The following NPAS3 variants were observed in gnomAD, a reference collection of about 807,000 sequenced individuals.
The protein encoded by NPAS3 is neuronal PAS domain-containing protein 3.
A neutral mutation model predicts 73.1 loss-of-function variants in NPAS3; 14 were observed. That is an observed-to-expected ratio of 0.19 (90% CI 0.13 to 0.30). NPAS3 has a LOEUF of 0.30. Ranked by LOEUF, NPAS3 falls within the 10% of genes least tolerant of loss-of-function variation. The probability of loss-of-function intolerance (pLI) is 1.00; values close to 1 mark genes in which losing one functional copy is unlikely to be tolerated. For synonymous variants in NPAS3, 620 were observed against 541.5 expected (o/e 1.14, Z -2.01); for missense variants, 1,096 against 1,250.0 (o/e 0.88, Z 1.86).
intron 1 of NPAS3, among the ~76,000 whole-genome samples, chr14:32,999,160 T>G (rs2038701992): frequency 6.6e-6 from 1 of 152,214 alleles, no homozygotes; most frequent in African/African-American, 2.4e-5. Flanking sequence ...TGAACTTCTT[T>G]TCTATATCTT....
At chr14:33,703,843 C>G (rs1295638220) in intron 6 of NPAS3, among the ~76,000 whole-genome samples, 2 of 152,128 alleles carry the variant, frequency 1.3e-5, no homozygotes. Flanking sequence ...TAACTCATCT[C>G]AAGATCACAC....
At chr14:33,039,338 T>G (rs1322420051) in intron 1 of NPAS3, among the ~76,000 whole-genome samples, 1 of 152,204 alleles carries the variant, frequency 6.6e-6, no homozygotes, top group African/African-American at 2.4e-5. Context: ...TTCCATTATA[T>G]TCACTCTGCT....
intron 5 of NPAS3, among the ~76,000 whole-genome samples, chr14:33,602,870 G>A (rs2057443181): frequency 6.6e-6 from 1 of 151,976 alleles, no homozygotes; most frequent in Non-Finnish European, 1.5e-5. Flanking sequence ...CTGTAGGGTG[G>A]GACCCAAAAG....
At chr14:33,249,320 T>A (rs1418560765) in intron 3 of NPAS3, among the ~76,000 whole-genome samples, 1 of 146,152 alleles carries the variant, frequency 6.8e-6, no homozygotes, top group African/African-American at 2.5e-5. Flanking sequence ...CTCATCCACT[T>A]TACTCCATTT....
intron 5 of NPAS3, among the ~76,000 whole-genome samples, chr14:33,645,092 A>AAAAG (rs1322111742): frequency 2.0e-5 from 3 of 152,000 alleles, no homozygotes; most frequent in East Asian, 3.9e-4. Flanking sequence ...AAAAAAAAAA[A>AAAAG]AAAAGAAAGA....
intron 4 of NPAS3, among the ~76,000 whole-genome samples, chr14:33,544,842 T>TA (rs1566989923): frequency 5.7e-5 from 7 of 123,674 alleles, no homozygotes; most frequent in African/African-American, 2.5e-4. Flanking sequence ...TATATATATA[T>TA]TATATATATG....
chr14:33,066,549 T>C (rs1303803716), intron 2 of NPAS3, among the ~76,000 whole-genome samples: 1 of 152,226 alleles, frequency 6.6e-6, no homozygotes, highest in Non-Finnish European at 1.5e-5. Context: ...AGTATGTTTT[T>C]ACAAGAGTCT....
chr14:33,511,029 G>A (rs1436927201), intron 4 of NPAS3, among the ~76,000 whole-genome samples: 1 of 152,038 alleles, frequency 6.6e-6, no homozygotes, highest in African/African-American at 2.4e-5. Flanking sequence ...TTTTAAGCTG[G>A]TGTTGAGTGG....
At chr14:33,035,186 G>A (rs1182619363) in intron 1 of NPAS3, among the ~76,000 whole-genome samples, 1 of 152,140 alleles carries the variant, frequency 6.6e-6, no homozygotes, top group Non-Finnish European at 1.5e-5. Flanking sequence ...TCTCTTTAAT[G>A]CATACATAAT....
intron 2 of NPAS3, among the ~76,000 whole-genome samples, chr14:33,141,769 C>G (rs2044054222): frequency 6.6e-6 from 1 of 151,972 alleles, no homozygotes; most frequent in African/African-American, 2.4e-5. Context: ...GTTTACATTC[C>G]TTGAGATTGT....
At position 33,373,138 on chromosome 14, in the gene NPAS3, A is replaced by G. The variant is rs1189940061; in HGVS notation, c.468+5870A>G. On this transcript the variant is annotated intron_variant, in intron 4 of 11. Coordinates refer to ENST00000356141, the Ensembl canonical transcript of NPAS3. ...CTGGAATGACTTTCCCTTAGGTGCC[A>G]GATTTCTGAATGGAATGTTTTAATG... is the stretch of plus-strand genomic sequence containing the variant. 2.6e-5 allele frequency among the ~76,000 whole-genome samples: 4 copies of G among 152,228 alleles called. No individual in the cohort carries two copies. In the East Asian group the frequency reaches 7.7e-4, roughly 29 times the overall value.
rs143980877 is a variant in NPAS3 at position 33,565,809 on chromosome 14, A to G, written c.558+5599A>G. Among the ~76,000 whole-genome samples the G allele has an allele frequency of 2.3e-3, 344 of 152,294 alleles. 3 individuals carry two copies. The highest frequency in any genetic ancestry group is 7.5e-3 in the African/African-American group (312 of 41,554). On this transcript the variant is annotated intron_variant, in intron 5 of 11. Coordinates refer to ENST00000356141, the Ensembl canonical transcript of NPAS3. Reference sequence around the variant, plus strand: ...TCTAAATGTATTCAATGCTAGGATAACTGGAGTTCTTTTAATAAATGAATG... The same window carrying G: ...TCTAAATGTATTCAATGCTAGGATAGCTGGAGTTCTTTTAATAAATGAATG...
At chr14:33,539,283 G>A (rs116316699) in intron 4 of NPAS3, among the ~76,000 whole-genome samples, 1,545 of 152,096 alleles carry the variant, frequency 0.01, 27 homozygotes, top group African/African-American at 0.035. Context: ...AGGGGTTCAG[G>A]GCAGGATTTT....
At chr14:33,458,276 A>G (rs1281866550) in intron 4 of NPAS3, among the ~76,000 whole-genome samples, 1 of 152,260 alleles carries the variant, frequency 6.6e-6, no homozygotes, top group Non-Finnish European at 1.5e-5. Context: ...TTTAGAAAGA[A>G]ATTCCAAAAA....
At chr14:33,581,273 G>C (rs1161143272) in intron 5 of NPAS3, among the ~76,000 whole-genome samples, 4 of 152,146 alleles carry the variant, frequency 2.6e-5, no homozygotes, top group African/African-American at 9.7e-5. Flanking sequence ...GGGGACTTGT[G>C]CTTGTTTTAG....
At chr14:33,526,276 C>T (rs1389666902) in intron 4 of NPAS3, among the ~76,000 whole-genome samples, 2 of 144,594 alleles carry the variant, frequency 1.4e-5, no homozygotes, top group Non-Finnish European at 3.1e-5. Flanking sequence ...AATAAACTCA[C>T]AGTATACTGA....
chr14:33,257,580 C>T (rs1204639902), intron 3 of NPAS3, among the ~76,000 whole-genome samples: 5 of 152,086 alleles, frequency 3.3e-5, no homozygotes, highest in Admixed American at 2.0e-4. Context: ...GCTTTTTGTT[C>T]AAATGAAGAA....
intron 5 of NPAS3, among the ~76,000 whole-genome samples, chr14:33,661,149 T>C (rs935397084): frequency 2.0e-5 from 3 of 151,444 alleles, no homozygotes; most frequent in Non-Finnish European, 4.4e-5. Context: ...GTGATGAAAT[T>C]TGACAGTAGG....
intron 3 of NPAS3, among the ~76,000 whole-genome samples, chr14:33,283,144 T>C (rs1393135703): frequency 6.6e-6 from 1 of 152,208 alleles, no homozygotes; most frequent in East Asian, 1.9e-4. Context: ...AATTGCTGAA[T>C]GTTATGACTG....
Sources: allele counts gnomAD v4.1 joint callset (sites outside exome capture counted in the v4.1 genomes callset), GRCh38; gene constraint gnomAD v4.1.1; transcripts MANE v1.5; gene names NCBI Gene and HGNC (gene_info 2026-07-23, HGNC 2026-07-21).